Variants in ORC4 observed in about 807,000 individuals in gnomAD.
ORC4 encodes origin recognition complex, subunit 4 homolog.
ORC4 carries 55 observed loss-of-function variants against 63.9 expected under a neutral mutation model. That is an observed-to-expected ratio of 0.86 (90% confidence interval 0.69 to 1.08). The LOEUF is 1.08. ORC4 is among the 50% of genes least tolerant of loss of function. The pLI is 0.00. For synonymous variants in ORC4, 150 were observed against 168.5 expected, an observed-to-expected ratio of 0.89 and a Z score of 0.85; for missense variants, 511 against 504.4, an observed-to-expected ratio of 1.01 and a Z score of -0.13.
At chr2:147,988,836 AAGT>A (rs1455056066) in intron 1 of ORC4, among the ~76,000 whole-genome samples, 8 of 152,190 alleles carry the variant, frequency 5.3e-5, no homozygotes, top group Non-Finnish European at 7.4e-5. Context: ...TTTAAAATAA[AAGT>A]AGGAAAGAAA....
Position 147,972,751 on chromosome 2 carries a change from T to C in ORC4, c.213A>G (p.Ser71=), listed in dbSNP as rs1690292026. Residue 71 remains serine, a synonymous_variant, in exon 4 of 14, where the codon TCA becomes TCG. Coordinates refer to ENST00000392857, the MANE Select transcript of ORC4 (RefSeq NM_181741.4). ...NSVLIIGPRG[S]GKTMLINHAL... ...CAACAGCTTTTACCATAGTTTTTCCTGATCCTCGGGGTCCGATAATAAGGA... is the reference window on the plus strand; with the variant it reads ...CAACAGCTTTTACCATAGTTTTTCCCGATCCTCGGGGTCCGATAATAAGGA... The C allele has an allele frequency of 6.2e-7, 1 of 1,607,460 alleles. No homozygotes were observed. The highest frequency in any genetic ancestry group is 8.5e-7 in the Non-Finnish European group (1 of 1,175,134).
At chr2:148,006,421 C>T (rs941669744) in intron 1 of ORC4, among the ~76,000 whole-genome samples, 1 of 152,176 alleles carries the variant, frequency 6.6e-6, no homozygotes, top group African/African-American at 2.4e-5. Context: ...AGCCTTGGTA[C>T]TGCACTGGCC....
intron 1 of ORC4, among the ~76,000 whole-genome samples, chr2:147,977,501 T>C (rs1266060017): frequency 6.6e-6 from 1 of 151,998 alleles, no homozygotes; most frequent in Non-Finnish European, 1.5e-5. Context: ...GACAAAATGG[T>C]CTTTGTGTTA....
intron 1 of ORC4, among the ~76,000 whole-genome samples, chr2:148,015,307 A>ATTTTTTTTTT (rs1158861758): frequency 1.1e-5 from 1 of 92,290 alleles, no homozygotes; most frequent in African/African-American, 4.5e-5. Context: ...TGATATTGGA[A>ATTTTTTTTTT]TTTTTTTTTT....
intron 1 of ORC4, among the ~76,000 whole-genome samples, chr2:147,989,115 A>T (rs919574376): frequency 4.6e-5 from 7 of 152,250 alleles, no homozygotes; most frequent in African/African-American, 1.7e-4. Context: ...GTTGCAACCA[A>T]GGAGCATAAA....
chr2:147,972,813 G>A lies in ORC4; in HGVS notation c.151C>T (p.Leu51=). 1.9e-6 allele frequency: 3 copies of A among 1,609,220 alleles called. No homozygotes were observed. Among genetic ancestry groups the A allele is most frequent in the Non-Finnish European group, 1.7e-6 (2 of 1,175,896 alleles). The change falls in exon 4 of 14, where the codon CTG becomes TTG. Residue 51 remains leucine, a synonymous_variant. Transcript: ENST00000392857. ...QVQYKHLSEL[L]KRTALHGESN... ...TCTCCATGGAGAGCAGTTCTTTTCA[G>A]CAGCTCACTTAAGTGTCTAAAATGA... is the stretch of plus-strand genomic sequence containing the variant.
intron 1 of ORC4, among the ~76,000 whole-genome samples, chr2:148,004,292 C>G (rs1253980272): frequency 1.3e-5 from 2 of 152,128 alleles, no homozygotes; most frequent in Non-Finnish European, 2.9e-5. Flanking sequence ...AAAAAAGAGC[C>G]CGCATAAGCC....
intron 8 of ORC4, 83 bp downstream of exon 8, chr2:147,952,290 G>A (rs1044992588): frequency 1.3e-5 from 13 of 1,027,184 alleles, no homozygotes; most frequent in South Asian, 4.5e-5. Flanking sequence ...ACCTAAATAA[G>A]TGAAAAAAAC....
intron 4 of ORC4, among the ~76,000 whole-genome samples, chr2:147,968,164 A>G (rs1690005451): frequency 6.6e-6 from 1 of 152,086 alleles, no homozygotes; most frequent in Non-Finnish European, 1.5e-5. Flanking sequence ...AAAGACCTCA[A>G]TGTTAAGACC....
chr2:147,935,459 TTC>T lies in ORC4; in HGVS notation c.*49_*50del. The stretch of plus-strand genomic sequence containing the variant: ...CATGTTAATGGACAATAGTTTTCCG[TTC>T]TCTACAGAAGTATGAATGAAATGCC... On this transcript the variant is annotated 3_prime_UTR_variant, in exon 14 of 14. Transcript: ENST00000392857. 1 of 1,350,492 alleles carries T rather than the reference TTC, an allele frequency of 7.4e-7. No individual in the cohort carries two copies. The highest frequency in any genetic ancestry group is 1.1e-6 in the Non-Finnish European group (1 of 940,568). The allele number at this position is 1,350,492 out of a possible 1,614,324, so 83.7% of individuals were successfully genotyped here. A position where few individuals can be genotyped will look rare whatever the true frequency, so the allele number is the denominator to read the frequency against.
chr2:147,991,155 C>G (rs1007669928), intron 1 of ORC4, among the ~76,000 whole-genome samples: 1 of 150,842 alleles, frequency 6.6e-6, no homozygotes, highest in Non-Finnish European at 1.5e-5. Context: ...TCAAGCGATT[C>G]TCCTGCCTCA....
At position 147,939,246 on chromosome 2, in the gene ORC4, C is replaced by T. The variant is rs1688233407; in HGVS notation, c.852G>A (p.Met284Ile). Residue 284 changes from methionine to isoleucine, a missense_variant and splice_region_variant, in exon 11 of 14, where the codon ATG becomes ATA. Physicochemically the swap from Met to Ile is conservative, Grantham distance 10. Coordinates refer to ENST00000392857, the MANE Select transcript of ORC4 (RefSeq NM_181741.4). ...KNLRSLHMLL[M>I]LALNRVTASH... ...ATGCTGTTACTCGATTTAAAGCAAG[C>T]ATCTAGGGAAAGACAGATCAGAAAA... 6.2e-7 allele frequency: 1 copy of T among 1,600,294 alleles called. No individual in the cohort carries two copies. Among genetic ancestry groups the T allele is most frequent in the Non-Finnish European group, 8.6e-7 (1 of 1,167,906 alleles).
chr2:147,939,372 G>T, intron 10 of ORC4, 124 bp from the exon 11 acceptor site: 1 of 678,076 alleles, frequency 1.5e-6, no homozygotes, highest in South Asian at 1.5e-5. Context: ...GCTTAGGAAG[G>T]TATTCTCAAA....
chr2:147,991,913 C>T (rs1158827573), intron 1 of ORC4, among the ~76,000 whole-genome samples: 1 of 152,128 alleles, frequency 6.6e-6, no homozygotes, highest in Non-Finnish European at 1.5e-5. Context: ...AGTATCAATT[C>T]TGCAGTAGTG....
At chr2:147,961,652 A>G (rs1178949564) in intron 4 of ORC4, among the ~76,000 whole-genome samples, 3 of 152,162 alleles carry the variant, frequency 2.0e-5, no homozygotes, top group Non-Finnish European at 4.4e-5. Flanking sequence ...ACTATATCAA[A>G]ATGGAATGCC....
chr2:147,973,505 T>G lies in ORC4; in HGVS notation c.77A>C (p.Glu26Ala). ...ATGTGGACTCTGACGACAAAATCTTTCACGTAAAATTCTTTGTACCTGATG... is the reference window on the plus strand; with the variant it reads ...ATGTGGACTCTGACGACAAAATCTTGCACGTAAAATTCTTTGTACCTGATG... ...CLSQVQRILR[E>A]RFCRQSPHSN... The change falls in exon 3 of 14, where the codon GAA (glutamate) becomes GCA (alanine). Residue 26 changes from glutamate (E) to alanine (A), a missense_variant. Transcript: ENST00000392857. 1 of 1,597,830 alleles carries G rather than the reference T, an allele frequency of 6.3e-7. No individual in the cohort carries two copies. The highest frequency in any genetic ancestry group is 8.6e-7 in the Non-Finnish European group (1 of 1,166,276).
At chr2:147,943,363 C>A in intron 10 of ORC4, 73 bp downstream of exon 10, 1 of 994,912 alleles carries the variant, frequency 1.0e-6, no homozygotes. Flanking sequence ...CCAGTCTGAG[C>A]AACAAAGTGA....
At chr2:147,971,879 C>T (rs1690234679) in intron 4 of ORC4, among the ~76,000 whole-genome samples, 1 of 151,918 alleles carries the variant, frequency 6.6e-6, no homozygotes. Flanking sequence ...TTATATTAAA[C>T]AATACTTCAG....
At position 147,975,997 on chromosome 2, in the gene ORC4, T is replaced by A. The variant is rs550311606; in HGVS notation, c.-17-22A>T. ...AATCCTTTAAAAAAATTGGCATAAA[T>A]ATTATAAACGTAGTGACTTAAAGAG... is the stretch of plus-strand genomic sequence containing the variant. On this transcript the variant is annotated intron_variant, in intron 1 of 13. Transcript: ENST00000392857. 7.0e-6 allele frequency: 8 copies of A among 1,146,604 alleles called. No homozygotes were observed. In the East Asian group the frequency reaches 1.9e-4, roughly 27 times the overall value. The allele number at this position is 1,146,604 out of a possible 1,614,324, so 71.0% of individuals were successfully genotyped here. A position where few individuals can be genotyped will look rare whatever the true frequency, so the allele number is the denominator to read the frequency against.
Sources: gnomAD v4.1 joint callset for allele counts (sites outside exome capture counted in the v4.1 genomes callset) on GRCh38, gnomAD v4.1.1 for gene constraint, MANE v1.5 for transcripts, NCBI Gene and HGNC (gene_info 2026-07-23, HGNC 2026-07-21) for gene names.